The following MARCHF10 variants were observed in gnomAD, a reference collection of about 807,000 sequenced individuals.
MARCHF10 encodes probable E3 ubiquitin-protein ligase MARCHF10.
Under a neutral mutation model 76.2 loss-of-function variants are expected in MARCHF10, and 64 were observed. The observed-to-expected ratio is 0.84, with a 90% CI of 0.69 to 1.03. The LOEUF is 1.03. Ranked by LOEUF, MARCHF10 falls within the 50% of genes least tolerant of loss-of-function variation. The pLI, the probability that MARCHF10 is intolerant of heterozygous loss-of-function variation, is 0.00. For missense variants in MARCHF10, 875 were observed against 958.0 expected (o/e 0.91, Z 1.14); for synonymous variants, 340 against 357.5 (o/e 0.95, Z 0.55).
intron 4 of MARCHF10, chr17:62,746,886 T>G: frequency 6.5e-7 from 1 of 1,536,056 alleles, no homozygotes; most frequent in Non-Finnish European, 8.7e-7. Flanking sequence ...GGGATGCTTC[T>G]GCTCATGGGA....
At chr17:62,749,285 C>T (rs768134245) in intron 4 of MARCHF10, among the ~76,000 whole-genome samples, 1 of 152,160 alleles carries the variant, frequency 6.6e-6, no homozygotes, top group African/African-American at 2.4e-5. Flanking sequence ...TGTTCACGTT[C>T]GGCTCTTCCC....
Position 62,736,664 on chromosome 17 carries a change from A to C in MARCHF10, c.1204T>G (p.Ser402Ala). The change falls in exon 6 of 11, where the codon TCG (serine) becomes GCG (alanine). Residue 402 changes from serine to alanine, a missense_variant. Physicochemically the swap from Ser to Ala is moderately conservative, Grantham distance 99 (BLOSUM62 1). Coordinates refer to ENST00000311269, the MANE Select transcript of MARCHF10 (RefSeq NM_152598.4). ...GSENAKKSPL[S>A]WDTKSEPRQE... ...CTGGGCTCGGATTTGGTGTCCCACG[A>C]AAGAGGGCTCTTTTTCGCATTTTCA... 6.2e-7 allele frequency: 1 copy of C among 1,614,112 alleles called. No individual in the cohort carries two copies. The highest frequency in any genetic ancestry group is 1.3e-5 in the African/African-American group (1 of 75,006).
chr17:62,736,742 C>G lies in MARCHF10; in HGVS notation c.1126G>C (p.Asp376His). The change falls in exon 6 of 11, where the codon GAC becomes CAC. Residue 376 changes from aspartate to histidine, a missense_variant. Physicochemically the swap from Asp to His is moderately conservative, Grantham distance 81. Transcript: ENST00000311269. Reference protein sequence around the residue: ...RPSAGQRLSQDPGLPDRESAT... With the variant: ...RPSAGQRLSQHPGLPDRESAT... ...GATTCCCTATCAGGCAGCCCGGGGTCTTGGGACAACCTTTGCCCAGCAGAA... is the reference window on the plus strand; with the variant it reads ...GATTCCCTATCAGGCAGCCCGGGGTGTTGGGACAACCTTTGCCCAGCAGAA... The G allele has an allele frequency of 1.9e-6, 3 of 1,613,854 alleles. No individual in the cohort carries two copies. The highest frequency in any genetic ancestry group is 1.7e-5 in the Admixed American group (1 of 60,026).
At chr17:62,752,327 C>T (rs1429818423) in intron 4 of MARCHF10, among the ~76,000 whole-genome samples, 2 of 152,154 alleles carry the variant, frequency 1.3e-5, no homozygotes, top group African/African-American at 2.4e-5. Flanking sequence ...TGGGTCCTAC[C>T]AGCAAGTGCT....
intron 3 of MARCHF10, among the ~76,000 whole-genome samples, chr17:62,773,334 C>T (rs55782066): frequency 0.5 from 75,503 of 152,012 alleles, 20,293 homozygotes; most frequent in East Asian, 0.71. Flanking sequence ...GAAAGAGACC[C>T]GCTGCGTGCA....
intron 6 of MARCHF10, among the ~76,000 whole-genome samples, chr17:62,726,338 T>G (rs1024523299): frequency 6.6e-6 from 1 of 152,196 alleles, no homozygotes; most frequent in Non-Finnish European, 1.5e-5. Context: ...AAATGGACAT[T>G]GCTCTGGATG....
At position 62,736,435 on chromosome 17, in the gene MARCHF10, T is replaced by G. The variant is rs746871070; in HGVS notation, c.1433A>C (p.His478Pro). ...SSYNPPASFM[H>P]SALRDDIPVD... Reference sequence around the variant, plus strand: ...TGGAATATCATCTCTCAGAGCAGAATGCATGAATGATGCAGGAGGGTTATA... The same window carrying G: ...TGGAATATCATCTCTCAGAGCAGAAGGCATGAATGATGCAGGAGGGTTATA... The change falls in exon 6 of 11, where the codon CAT becomes CCT. Residue 478 changes from histidine to proline, a missense_variant. His to Pro is a moderately conservative substitution (Grantham distance 77, BLOSUM62 -2). Transcript: ENST00000311269. 2.5e-6 allele frequency: 4 copies of G among 1,614,192 alleles called. No individual in the cohort carries two copies. The highest frequency in any genetic ancestry group is 1.6e-4 in the Middle Eastern group (1 of 6,062).
chr17:62,751,944 T>TG (rs1258300915), intron 4 of MARCHF10, among the ~76,000 whole-genome samples: 1 of 151,302 alleles, frequency 6.6e-6, no homozygotes, highest in Non-Finnish European at 1.5e-5. Context: ...CGCTTGAACC[T>TG]GGGAGGCAGA....
In MARCHF10 at chr17:62,723,559, C is replaced by CTTTTTTTTTTTTTTTTT. The variant is rs60456766; in HGVS notation, c.2105-979_2105-963dup. Among the ~76,000 whole-genome samples, 126 of 80,336 alleles carry CTTTTTTTTTTTTTTTTT rather than the reference C, an allele frequency of 1.6e-3. 19 individuals are homozygous for CTTTTTTTTTTTTTTTTT. The highest frequency in any genetic ancestry group is 7.7e-3 in the East Asian group (22 of 2,862). The allele number at this position is 80,336 out of a possible 152,430, so 52.7% of individuals were successfully genotyped here. ...CCTTATCTGCATTTTGTTCGCTTGA[C>CTTTTTTTTTTTTTTTTT]TTTTTTTTTTTTTTTTTTTAGCGTC... On this transcript the variant is annotated intron_variant, in intron 7 of 10. Coordinates refer to ENST00000311269, the MANE Select transcript of MARCHF10 (RefSeq NM_152598.4).
intron 8 of MARCHF10, among the ~76,000 whole-genome samples, chr17:62,715,871 A>G (rs1377513022): frequency 1.3e-5 from 2 of 152,126 alleles, no homozygotes; most frequent in Non-Finnish European, 2.9e-5. Flanking sequence ...CTCCCACCAG[A>G]AGTACAGAAC....
In MARCHF10 at chr17:62,753,602, T is replaced by A. The variant is rs543044494; in HGVS notation, c.382+6233A>T. Reference sequence around the variant, plus strand: ...CTAGATTATCTGTAGCTCCTCGATATGTGTCTCTCCCTGTCTTCCTTGCTC... The same window carrying A: ...CTAGATTATCTGTAGCTCCTCGATAAGTGTCTCTCCCTGTCTTCCTTGCTC... On this transcript the variant is annotated intron_variant, in intron 4 of 10. Coordinates refer to ENST00000311269, the MANE Select transcript of MARCHF10 (RefSeq NM_152598.4). Among the ~76,000 whole-genome samples the A allele has an allele frequency of 2.0e-5, 3 of 152,334 alleles. No individual in the cohort carries two copies. In the East Asian group the frequency reaches 5.8e-4, roughly 29 times the overall value.
intron 2 of MARCHF10, among the ~76,000 whole-genome samples, chr17:62,788,922 G>T (rs982008738): frequency 2.6e-5 from 4 of 151,506 alleles, no homozygotes; most frequent in Non-Finnish European, 5.9e-5. Flanking sequence ...AATTAGCCGG[G>T]CGCGGTGGCG....
At chr17:62,710,844 A>G (rs1384748541) in intron 9 of MARCHF10, among the ~76,000 whole-genome samples, 1 of 152,060 alleles carries the variant, frequency 6.6e-6, no homozygotes, top group Non-Finnish European at 1.5e-5. Context: ...TACAGGCATG[A>G]GCCATCACAC....
chr17:62,731,157 T>C (rs187315529), intron 6 of MARCHF10, among the ~76,000 whole-genome samples: 201 of 152,332 alleles, frequency 1.3e-3, no homozygotes, highest in African/African-American at 4.5e-3. Context: ...ACAGATTTGA[T>C]TGTAAGTAAT....
chr17:62,740,801 A>C (rs953330403), intron 5 of MARCHF10, among the ~76,000 whole-genome samples: 1 of 151,544 alleles, frequency 6.6e-6, no homozygotes, highest in Non-Finnish European at 1.5e-5. Flanking sequence ...TCATTTTAAA[A>C]TTTTTTTCTA....
At chr17:62,752,973 G>A (rs576310806) in intron 4 of MARCHF10, among the ~76,000 whole-genome samples, 35 of 152,306 alleles carry the variant, frequency 2.3e-4, no homozygotes, top group Non-Finnish European at 1.2e-4. Flanking sequence ...TTCCAGGACT[G>A]ATGCCCCGTC....
intron 4 of MARCHF10, among the ~76,000 whole-genome samples, chr17:62,751,204 T>C (rs1247952369): frequency 6.6e-6 from 1 of 152,188 alleles, no homozygotes; most frequent in Non-Finnish European, 1.5e-5. Context: ...GAGTCAGAGC[T>C]ACCCCCTCAC....
At chr17:62,800,218 T>C (rs74967996) in intron 2 of MARCHF10, among the ~76,000 whole-genome samples, 2 of 152,104 alleles carry the variant, frequency 1.3e-5, no homozygotes, top group Non-Finnish European at 2.9e-5. Flanking sequence ...AAGAGCCCAA[T>C]GGAGATTAGA....
At chr17:62,759,752 T>G in intron 4 of MARCHF10, 83 bp downstream of exon 4, 20 of 1,421,136 alleles carry the variant, frequency 1.4e-5, no homozygotes, top group African/African-American at 2.8e-5. Context: ...ATTACAGGCG[T>G]GAGCCACCGT....
Sources: gnomAD v4.1 joint callset for allele counts (sites outside exome capture counted in the v4.1 genomes callset) on GRCh38, gnomAD v4.1.1 for gene constraint, MANE v1.5 for transcripts, NCBI Gene and HGNC (gene_info 2026-07-23, HGNC 2026-07-21) for gene names.